MAGI2: variants seen among roughly 807,000 people sequenced by gnomAD.
MAGI2 encodes the protein membrane-associated guanylate kinase, WW and PDZ domain-containing protein 2.
In MAGI2, 35 loss-of-function variants were observed where a neutral mutation model predicts 133.3. The ratio of observed to expected loss-of-function variants is 0.26; its 90% CI spans 0.20 to 0.35. The LOEUF (loss-of-function observed/expected upper bound fraction) is 0.35. Ranked by LOEUF, MAGI2 falls within the 10% of genes least tolerant of loss-of-function variation. The pLI is 1.00. For synonymous variants in MAGI2, 729 were observed against 710.6 expected, an observed-to-expected ratio of 1.03 and a Z score of -0.41; for missense variants, 1,636 against 1,863.4, an observed-to-expected ratio of 0.88 and a Z score of 2.25.
intron 6 of MAGI2, among the ~76,000 whole-genome samples, chr7:78,385,442 C>T (rs577341695): frequency 5.1e-4 from 77 of 152,252 alleles, no homozygotes; most frequent in Non-Finnish European, 9.9e-4. Context: ...CAGGAAAATG[C>T]TTTTCCCTTG....
At chr7:78,624,187 AT>A (rs904752362) in intron 3 of MAGI2, among the ~76,000 whole-genome samples, 1 of 151,770 alleles carries the variant, frequency 6.6e-6, no homozygotes, top group African/African-American at 2.4e-5. Context: ...TCTTGTAAAA[AT>A]TTTTTAAGTT....
At chr7:78,736,325 G>A (rs530667274) in intron 2 of MAGI2, among the ~76,000 whole-genome samples, 2 of 152,076 alleles carry the variant, frequency 1.3e-5, no homozygotes, top group Admixed American at 6.5e-5. Context: ...CTAAACGTAA[G>A]AATAACTAAC....
intron 7 of MAGI2, chr7:78,349,995 G>A (rs969240752): frequency 6.6e-6 from 1 of 152,284 alleles, no homozygotes; most frequent in South Asian, 2.1e-4. Flanking sequence ...GCTACCAAGA[G>A]TTCTTGCTAT....
intron 16 of MAGI2, among the ~76,000 whole-genome samples, chr7:78,153,573 T>A (rs2150587382): frequency 6.6e-6 from 1 of 152,342 alleles, no homozygotes; most frequent in African/African-American, 2.4e-5. Context: ...TTAAGATAAT[T>A]TCTTGACAGA....
At chr7:79,328,973 G>T (rs1290002637) in intron 1 of MAGI2, among the ~76,000 whole-genome samples, 4 of 152,152 alleles carry the variant, frequency 2.6e-5, no homozygotes, top group Non-Finnish European at 5.9e-5. Context: ...ATACAAATGT[G>T]GGGGCCCTAC....
intron 1 of MAGI2, among the ~76,000 whole-genome samples, chr7:79,028,680 T>C (rs1050936279): frequency 2.6e-5 from 4 of 152,146 alleles, no homozygotes; most frequent in African/African-American, 9.6e-5. Context: ...CCTGCCTAAT[T>C]GATGACTTAA....
chr7:78,545,213 T>C (rs1346412037), intron 3 of MAGI2, among the ~76,000 whole-genome samples: 1 of 2,720 alleles, frequency 3.7e-4, no homozygotes, highest in East Asian at 0.5. Context: ...AACCTGATTC[T>C]TTTTTTTTTT....
chr7:78,547,977 C>G (rs1563153388), intron 3 of MAGI2, among the ~76,000 whole-genome samples: 1 of 152,188 alleles, frequency 6.6e-6, no homozygotes, highest in South Asian at 2.1e-4. Flanking sequence ...TTCTTCTCAC[C>G]TCTAGAATTG....
At chr7:79,041,546 AATT>A (rs1213021100) in intron 1 of MAGI2, among the ~76,000 whole-genome samples, 2 of 152,152 alleles carry the variant, frequency 1.3e-5, no homozygotes, top group East Asian at 1.9e-4. Context: ...GGAAATGCAC[AATT>A]ATTATTATCA....
chr7:78,388,275 T>TAAC (rs2151308199), intron 6 of MAGI2, among the ~76,000 whole-genome samples: 1 of 143,564 alleles, frequency 7.0e-6, no homozygotes, highest in African/African-American at 2.6e-5. Context: ...GCTCCACTGT[T>TAAC]ATCATCATCA....
intron 10 of MAGI2, among the ~76,000 whole-genome samples, chr7:78,239,229 T>C (rs1263873095): frequency 3.9e-5 from 6 of 152,136 alleles, no homozygotes; most frequent in African/African-American, 1.4e-4. Flanking sequence ...TGAAATTAGA[T>C]TATATCTCTC....
intron 20 of MAGI2, among the ~76,000 whole-genome samples, chr7:78,080,435 T>C (rs990226341): frequency 3.3e-5 from 5 of 152,176 alleles, no homozygotes; most frequent in Non-Finnish European, 7.3e-5. Context: ...CTTAATTGTC[T>C]CCTTTCCTCT....
chr7:78,364,463 T>C (rs999385647), intron 7 of MAGI2, among the ~76,000 whole-genome samples: 2 of 152,340 alleles, frequency 1.3e-5, no homozygotes, highest in Non-Finnish European at 2.9e-5. Context: ...ATTCAAGATA[T>C]TATGCAGTAT....
chr7:78,384,571 A>G (rs1022573622), intron 6 of MAGI2, among the ~76,000 whole-genome samples: 3 of 152,172 alleles, frequency 2.0e-5, no homozygotes, highest in African/African-American at 7.2e-5. Context: ...ACATTTATCA[A>G]TTGAATGTTT....
intron 7 of MAGI2, among the ~76,000 whole-genome samples, chr7:78,347,800 T>G (rs1791068871): frequency 6.6e-6 from 1 of 152,166 alleles, no homozygotes; most frequent in African/African-American, 2.4e-5. Flanking sequence ...ACCATCTATG[T>G]AAAATTATTT....
chr7:79,384,185 G>A (rs1844013400), intron 1 of MAGI2, among the ~76,000 whole-genome samples: 1 of 151,176 alleles, frequency 6.6e-6, no homozygotes, highest in African/African-American at 2.4e-5. Flanking sequence ...AAAACCAAAG[G>A]TGAATATTTA....
chr7:78,565,015 G>T (rs538291821), intron 3 of MAGI2, among the ~76,000 whole-genome samples: 12 of 151,664 alleles, frequency 7.9e-5, no homozygotes, highest in Admixed American at 7.9e-4. Flanking sequence ...GGATGGTCTT[G>T]ATCTCCTGAC....
chr7:78,678,116 C>A (rs1815252819), intron 2 of MAGI2, among the ~76,000 whole-genome samples: 1 of 151,996 alleles, frequency 6.6e-6, no homozygotes, highest in South Asian at 2.1e-4. Context: ...GGTAGCTGGA[C>A]TAAGAAGACA....
chr7:78,882,096 A>AAAAAAAAAG (rs1795908772), intron 2 of MAGI2, among the ~76,000 whole-genome samples: 1 of 124,128 alleles, frequency 8.1e-6, no homozygotes, highest in African/African-American at 2.8e-5. Context: ...CAAAAAAAAA[A>AAAAAAAAAG]AAAAAAAAAA....
Sources: allele counts gnomAD v4.1 joint callset (sites outside exome capture counted in the v4.1 genomes callset), GRCh38; gene constraint gnomAD v4.1.1; transcripts MANE v1.5; gene names NCBI Gene and HGNC (gene_info 2026-07-23, HGNC 2026-07-21).